CTNND2: variants seen among roughly 807,000 people sequenced by gnomAD.
CTNND2 encodes the protein catenin delta 2, also known as catenin delta-2.
CTNND2 carries 22 observed loss-of-function variants against 144.4 expected under a neutral mutation model. The observed-to-expected ratio is 0.15, with a 90% CI of 0.11 to 0.22. The LOEUF is 0.22. Ranked by LOEUF, CTNND2 falls within the 10% of genes least tolerant of loss-of-function variation. The pLI, the probability that CTNND2 is intolerant of heterozygous loss-of-function variation, is 1.00. For missense variants in CTNND2, 1,353 were observed against 1,618.8 expected (o/e 0.84, Z 2.82); for synonymous variants, 751 against 695.6 (o/e 1.08, Z -1.25).
intron 2 of CTNND2, among the ~76,000 whole-genome samples, chr5:11,614,799 C>T (rs1780503125): frequency 6.6e-6 from 1 of 152,120 alleles, no homozygotes; most frequent in Non-Finnish European, 1.5e-5. Flanking sequence ...GACAGGGGAG[C>T]CAGACCTGCT....
At chr5:11,648,033 ATC>A (rs1168465342) in intron 2 of CTNND2, among the ~76,000 whole-genome samples, 1 of 152,170 alleles carries the variant, frequency 6.6e-6, no homozygotes. Context: ...TATATGTTAA[ATC>A]TGGATTTAGT....
At chr5:11,536,389 G>T (rs770814939) in intron 3 of CTNND2, among the ~76,000 whole-genome samples, 2 of 152,088 alleles carry the variant, frequency 1.3e-5, no homozygotes, top group Non-Finnish European at 2.9e-5. Context: ...CTACCCAGAG[G>T]AAAAGAAGTT....
Position 11,618,088 on chromosome 5 carries a change from C to CT in CTNND2, c.175-53033dup, listed in dbSNP as rs146573846. Among the ~76,000 whole-genome samples, 83 of 145,390 alleles carry CT rather than the reference C, an allele frequency of 5.7e-4. 1 individual carries two copies. The highest frequency in any genetic ancestry group is 1.2e-3 in the Admixed American group (18 of 14,500). ...GCCTCCTCTACCTAACCCTATCAGG[C>CT]TTTTTTTTTTTAATACCATTCATAT... On this transcript the variant is annotated intron_variant, in intron 2 of 21. Coordinates refer to ENST00000304623, the MANE Select transcript of CTNND2 (RefSeq NM_001332.4).
At chr5:11,306,494 A>G (rs1363271244) in intron 9 of CTNND2, among the ~76,000 whole-genome samples, 1 of 152,210 alleles carries the variant, frequency 6.6e-6, no homozygotes. Flanking sequence ...CTGCTTTTCT[A>G]TAGCCATTTT....
intron 16 of CTNND2, chr5:11,027,409 A>C (rs556061596): frequency 6.6e-6 from 1 of 152,368 alleles, no homozygotes; most frequent in South Asian, 2.1e-4. Flanking sequence ...TTCTTGCTAC[A>C]GTTCCCAATA....
intron 3 of CTNND2, among the ~76,000 whole-genome samples, chr5:11,507,301 C>T (rs1771149858): frequency 1.3e-5 from 2 of 152,118 alleles, no homozygotes; most frequent in Non-Finnish European, 2.9e-5. Context: ...GTAGAGTAAG[C>T]TAAGAGAACA....
chr5:11,665,552 T>C (rs575966400), intron 2 of CTNND2, among the ~76,000 whole-genome samples: 2 of 152,360 alleles, frequency 1.3e-5, no homozygotes, highest in East Asian at 1.9e-4. Context: ...GTTTCATTAG[T>C]AATTTGGTTT....
At chr5:11,287,453 CTT>C (rs990699091) in intron 9 of CTNND2, among the ~76,000 whole-genome samples, 16 of 152,142 alleles carry the variant, frequency 1.1e-4, no homozygotes, top group South Asian at 2.1e-4. Context: ...AAATCTCTCT[CTT>C]TTTATATAGA....
At chr5:10,975,591 C>T (rs966777590) in intron 21 of CTNND2, among the ~76,000 whole-genome samples, 3 of 152,176 alleles carry the variant, frequency 2.0e-5, no homozygotes, top group African/African-American at 7.2e-5. Context: ...GAACATACGG[C>T]TGGCTGACTC....
intron 1 of CTNND2, among the ~76,000 whole-genome samples, chr5:11,853,126 T>C (rs769529079): frequency 2.0e-4 from 30 of 152,310 alleles, no homozygotes; most frequent in Non-Finnish European, 2.2e-4. Context: ...ACCAGGTCTC[T>C]TGTGCTAGGG....
rs1222786397 is a variant in CTNND2 at position 10,973,683 on chromosome 5, T to G, written c.3448A>C (p.Ser1150Arg). 1 of 1,610,104 alleles carries G rather than the reference T, an allele frequency of 6.2e-7. No individual in the cohort carries two copies. The highest frequency in any genetic ancestry group is 2.2e-5 in the East Asian group (1 of 44,862). Residue 1150 changes from serine (S) to arginine (R), a missense_variant, in exon 22 of 22, where the codon AGC (serine) becomes CGC (arginine). By Grantham distance (110) the Ser-to-Arg change is moderately radical (BLOSUM62 -1). This residue lies in a region of CTNND2 where 459 missense variants were observed against 674.3 expected (regional missense o/e 0.68). Transcript: ENST00000304623. This position sits in a 1 kb window ranked among gnomAD's most constrained non-coding sequence, Gnocchi z 5.6. ...VSAQPVPQEP[S>R]RKDYETYQPF... Reference sequence around the variant, plus strand: ...TGGTAGGTCTCGTAATCTTTTCTGCTGGGCTCCTGTGGGACTGGCTGTGCT... The same window carrying G: ...TGGTAGGTCTCGTAATCTTTTCTGCGGGGCTCCTGTGGGACTGGCTGTGCT...
At chr5:11,390,914 G>A (rs1759572652) in intron 6 of CTNND2, among the ~76,000 whole-genome samples, 1 of 152,202 alleles carries the variant, frequency 6.6e-6, no homozygotes, top group African/African-American at 2.4e-5. Context: ...ACAGGGAGCA[G>A]TGTACCCATG....
At chr5:11,847,829 C>G (rs930790366) in intron 1 of CTNND2, among the ~76,000 whole-genome samples, 4 of 151,890 alleles carry the variant, frequency 2.6e-5, no homozygotes, top group Non-Finnish European at 5.9e-5. Flanking sequence ...GAAATAGATA[C>G]TGAAATTTTT....
intron 1 of CTNND2, among the ~76,000 whole-genome samples, chr5:11,772,954 CT>C (rs1371213726): frequency 6.6e-6 from 1 of 152,164 alleles, no homozygotes; most frequent in African/African-American, 2.4e-5. Context: ...AGAAATGCAT[CT>C]TTTTCTCAAA....
chr5:11,325,669 T>C (rs1355574954), intron 9 of CTNND2, among the ~76,000 whole-genome samples: 4 of 151,602 alleles, frequency 2.6e-5, no homozygotes, highest in Admixed American at 6.6e-5. Flanking sequence ...ACAGGAGCCT[T>C]GAAAATTGAA....
intron 1 of CTNND2, among the ~76,000 whole-genome samples, chr5:11,766,600 C>A (rs375344300): frequency 4.6e-5 from 7 of 152,264 alleles, no homozygotes; most frequent in Admixed American, 6.5e-5. Context: ...AAACCTCTTT[C>A]TTTTGTAAAT....
intron 1 of CTNND2, among the ~76,000 whole-genome samples, chr5:11,782,739 C>T (rs1427469267): frequency 2.0e-5 from 3 of 152,196 alleles, no homozygotes; most frequent in Admixed American, 2.0e-4. Flanking sequence ...ATCTTTCAAA[C>T]AACCCATTAT....
chr5:11,525,292 C>T (rs1024451772), intron 3 of CTNND2, among the ~76,000 whole-genome samples: 2 of 152,124 alleles, frequency 1.3e-5, no homozygotes, highest in African/African-American at 4.8e-5. Context: ...TTTGTGTAGT[C>T]CCTTCCCCAG....
rs1185224073 is a variant in CTNND2, at chr5:11,262,785, AAAAG to A, written c.1629-25966_1629-25963del. ...TCAAAAAAAAAAAAAAAAAAAAAAAAAAAGAAAGAAAGAAAGAAACGAAATTTGT... is the reference window on the plus strand; with the variant it reads ...TCAAAAAAAAAAAAAAAAAAAAAAAAAAAGAAAGAAAGAAACGAAATTTGT... On this transcript the variant is annotated intron_variant, in intron 9 of 21. Transcript: ENST00000304623. Among the ~76,000 whole-genome samples the A allele has an allele frequency of 1.2e-4, 18 of 148,070 alleles. No homozygotes were observed. In the East Asian group the frequency reaches 1.8e-3, roughly 14 times the overall value.
Sources: gnomAD v4.1 joint callset for allele counts (sites outside exome capture counted in the v4.1 genomes callset) on GRCh38, gnomAD v4.1.1 for gene constraint, gnomAD v4.1.1 regional missense constraint, Gnocchi (gnomAD v3.1) non-coding constraint, MANE v1.5 for transcripts, NCBI Gene and HGNC (gene_info 2026-07-23, HGNC 2026-07-21) for gene names.